CPA6: variants seen among roughly 807,000 people sequenced by gnomAD.
The protein encoded by CPA6 is carboxypeptidase A6.
In CPA6, 58 loss-of-function variants were observed where a neutral mutation model predicts 63.3. The observed-to-expected ratio is 0.92, with a 90% CI of 0.74 to 1.14. The LOEUF (loss-of-function observed/expected upper bound fraction) is 1.14, where lower values mean the gene tolerates loss of function less well. Among genes scored for constraint, CPA6 ranks in the 50% most tolerant of loss-of-function variants. CPA6 has a pLI of 0.00. For missense variants in CPA6, 565 were observed against 526.6 expected, an observed-to-expected ratio of 1.07 and a Z score of -0.71; for synonymous variants, 185 against 179.0, an observed-to-expected ratio of 1.03 and a Z score of -0.27.
intron 2 of CPA6, among the ~76,000 whole-genome samples, chr8:67,558,443 T>C (rs898571382): frequency 6.6e-6 from 1 of 152,210 alleles, no homozygotes. Context: ...TCTTTAAGTA[T>C]TTATTGAACA....
intron 2 of CPA6, among the ~76,000 whole-genome samples, chr8:67,534,184 A>G (rs940086409): frequency 6.6e-6 from 1 of 152,224 alleles, no homozygotes; most frequent in African/African-American, 2.4e-5. Context: ...CCTTGCACAT[A>G]GGTATTCTTC....
At chr8:67,607,154 CTCTTCTTCTTCTTCCTCT>C (rs1385266514) in intron 2 of CPA6, among the ~76,000 whole-genome samples, 2 of 95,128 alleles carry the variant, frequency 2.1e-5, no homozygotes, top group Non-Finnish European at 4.0e-5. Context: ...CCCCCCCCTC[CTCTTCTTCTTCTTCCTCT>C]TCTTCTTCTT....
chr8:67,487,873 T>C (rs1811517577), intron 6 of CPA6, among the ~76,000 whole-genome samples: 1 of 152,234 alleles, frequency 6.6e-6, no homozygotes, highest in Admixed American at 6.5e-5. Context: ...GAAGTGTCTG[T>C]TCATATCCTT....
intron 2 of CPA6, among the ~76,000 whole-genome samples, chr8:67,595,983 G>C (rs541519495): frequency 3.3e-5 from 5 of 152,208 alleles, no homozygotes; most frequent in Non-Finnish European, 1.5e-5. Flanking sequence ...CGTCGCTCAC[G>C]CTGGGAGCTG....
chr8:67,607,345 C>A (rs575503886), intron 2 of CPA6, among the ~76,000 whole-genome samples: 3 of 151,514 alleles, frequency 2.0e-5, no homozygotes, highest in Non-Finnish European at 4.4e-5. Context: ...ATGGAAGCTA[C>A]TTTGAGGGCA....
At chr8:67,684,283 A>G (rs974837891) in intron 1 of CPA6, among the ~76,000 whole-genome samples, 1 of 152,046 alleles carries the variant, frequency 6.6e-6, no homozygotes, top group Non-Finnish European at 1.5e-5. Context: ...CTTACACATC[A>G]TCAGCCACAG....
At chr8:67,475,984 CTCCCCTTCCTTCCTTCCTTCCTTCTT>C (rs1003835307) in intron 8 of CPA6, among the ~76,000 whole-genome samples, 1 of 140,592 alleles carries the variant, frequency 7.1e-6, no homozygotes, top group African/African-American at 2.8e-5. Flanking sequence ...CTTTCTTTCT[CTCCCCTTCCTTCCTTCCTTCCTTCTT>C]TCCTTCCTTT....
At chr8:67,486,094 C>A (rs1026756154) in intron 6 of CPA6, among the ~76,000 whole-genome samples, 3 of 152,162 alleles carry the variant, frequency 2.0e-5, no homozygotes, top group Non-Finnish European at 1.5e-5. Flanking sequence ...TGAATTTTAG[C>A]AAATGATTTT....
intron 9 of CPA6, among the ~76,000 whole-genome samples, chr8:67,431,064 A>G (rs1355156367): frequency 1.3e-5 from 2 of 151,898 alleles, no homozygotes; most frequent in African/African-American, 4.8e-5. Context: ...AGGTCCCACT[A>G]TATTACCTAG....
At chr8:67,656,442 C>T (rs1815986942) in intron 1 of CPA6, among the ~76,000 whole-genome samples, 1 of 152,164 alleles carries the variant, frequency 6.6e-6, no homozygotes, top group Non-Finnish European at 1.5e-5. Flanking sequence ...CAGCTCCAGA[C>T]CTTGGTCACT....
At chr8:67,628,682 T>C (rs1279147836) in intron 1 of CPA6, among the ~76,000 whole-genome samples, 1 of 152,244 alleles carries the variant, frequency 6.6e-6, no homozygotes, top group Non-Finnish European at 1.5e-5. Flanking sequence ...GGTTTTAAAA[T>C]ATAATAAGTT....
chr8:67,666,436 C>T (rs549615561), intron 1 of CPA6, among the ~76,000 whole-genome samples: 1 of 152,210 alleles, frequency 6.6e-6, no homozygotes, highest in African/African-American at 2.4e-5. Context: ...GAGGGGGGCA[C>T]TCTCACCAGC....
chr8:67,532,332 A>G (rs1812494068), intron 2 of CPA6, among the ~76,000 whole-genome samples: 1 of 151,944 alleles, frequency 6.6e-6, no homozygotes, highest in Non-Finnish European at 1.5e-5. Flanking sequence ...ATGTAGATTC[A>G]TCAAATAAAA....
chr8:67,577,402 A>G (rs1477744960), intron 2 of CPA6, among the ~76,000 whole-genome samples: 1 of 152,200 alleles, frequency 6.6e-6, no homozygotes, highest in East Asian at 1.9e-4. Context: ...TTAGCTTTGT[A>G]GTAAATTCAT....
intron 8 of CPA6, among the ~76,000 whole-genome samples, chr8:67,440,265 C>T (rs1461456885): frequency 1.3e-5 from 2 of 152,066 alleles, no homozygotes; most frequent in African/African-American, 4.8e-5. Flanking sequence ...CCATGTATCA[C>T]TTAAAGAAAG....
chr8:67,495,676 A>G (rs150581827), intron 6 of CPA6, among the ~76,000 whole-genome samples: 86 of 151,652 alleles, frequency 5.7e-4, no homozygotes, highest in Non-Finnish European at 9.4e-4. Flanking sequence ...GCTCCTTATC[A>G]GTGTTTTCTT....
chr8:67,424,995 T>G (rs1270281973), intron 10 of CPA6, among the ~76,000 whole-genome samples: 1 of 152,210 alleles, frequency 6.6e-6, no homozygotes, highest in East Asian at 1.9e-4. Context: ...AGTGGGTAAC[T>G]TCTCTGTGCC....
At chr8:67,451,937 A>G (rs1165682341) in intron 8 of CPA6, among the ~76,000 whole-genome samples, 2 of 152,266 alleles carry the variant, frequency 1.3e-5, no homozygotes, top group Non-Finnish European at 2.9e-5. Flanking sequence ...ATCTTTGTAT[A>G]TGGGCAATAA....
At chr8:67,518,124 C>G in intron 2 of CPA6, 77 bp from the exon 3 acceptor site, 1 of 1,364,102 alleles carries the variant, frequency 7.3e-7, no homozygotes, top group Non-Finnish European at 9.8e-7. Flanking sequence ...CAAACACATT[C>G]TTTTGTTTGC....
Sources: gnomAD v4.1 joint callset for allele counts (sites outside exome capture counted in the v4.1 genomes callset) on GRCh38, gnomAD v4.1.1 for gene constraint, MANE v1.5 for transcripts, NCBI Gene and HGNC (gene_info 2026-07-23, HGNC 2026-07-21) for gene names.